Variants in ARID5B observed in about 807,000 individuals in gnomAD.
ARID5B encodes AT-rich interactive domain-containing protein 5B.
A neutral mutation model predicts 97.2 loss-of-function variants in ARID5B; 13 were observed. The ratio of observed to expected loss-of-function variants is 0.13; its 90% confidence interval spans 0.09 to 0.21. The LOEUF (loss-of-function observed/expected upper bound fraction) is 0.21, where lower values mean the gene tolerates loss of function less well. ARID5B is among the 10% of genes least tolerant of loss of function. The pLI is 1.00. For missense variants in ARID5B, 1,210 were observed against 1,465.3 expected (o/e 0.83, Z 2.84); for synonymous variants, 556 against 570.3 (o/e 0.97, Z 0.36).
intron 3 of ARID5B, among the ~76,000 whole-genome samples, chr10:61,968,431 A>G (rs1812994946): frequency 6.6e-6 from 1 of 151,472 alleles, no homozygotes; most frequent in Admixed American, 6.6e-5. Context: ...TCCAAACTTA[A>G]CTAAGTGTTT....
chr10:61,971,004 A>T (rs1455461618), intron 3 of ARID5B, among the ~76,000 whole-genome samples: 1 of 143,414 alleles, frequency 7.0e-6, no homozygotes, highest in Non-Finnish European at 1.6e-5. Context: ...TGTGTGTATA[A>T]AACAAAAGAA....
intron 3 of ARID5B, among the ~76,000 whole-genome samples, chr10:61,981,988 C>A (rs1838783426): frequency 6.6e-6 from 1 of 152,168 alleles, no homozygotes; most frequent in Non-Finnish European, 1.5e-5. Flanking sequence ...AGACAAATGG[C>A]ATTTTAAGCT....
chr10:61,989,374 T>A (rs898114149), intron 3 of ARID5B, among the ~76,000 whole-genome samples: 1 of 152,220 alleles, frequency 6.6e-6, no homozygotes, highest in Non-Finnish European at 1.5e-5. Flanking sequence ...GTGTTTCTAT[T>A]GAATAATGCT....
chr10:62,054,077 C>T (rs1032394083), intron 5 of ARID5B, among the ~76,000 whole-genome samples: 2 of 152,148 alleles, frequency 1.3e-5, no homozygotes, highest in African/African-American at 2.4e-5. Context: ...TCATTGAAAA[C>T]GTTAAATGTT....
chr10:61,918,059 G>A (rs1476750897), intron 2 of ARID5B, among the ~76,000 whole-genome samples: 4 of 152,168 alleles, frequency 2.6e-5, no homozygotes, highest in South Asian at 4.1e-4. Context: ...TACCAATACC[G>A]GATATGGTCT....
intron 6 of ARID5B, among the ~76,000 whole-genome samples, chr10:62,057,528 A>T (rs768358696): frequency 6.6e-6 from 1 of 152,146 alleles, no homozygotes; most frequent in Non-Finnish European, 1.5e-5. Flanking sequence ...GCAGTGAGAT[A>T]TTTATAGGCT....
At chr10:62,058,347 C>T (rs1344724937) in intron 6 of ARID5B, among the ~76,000 whole-genome samples, 4 of 152,078 alleles carry the variant, frequency 2.6e-5, no homozygotes, top group Non-Finnish European at 4.4e-5. Context: ...TGAGGCTTTG[C>T]GAACATGTTG....
chr10:61,954,691 T>A (rs1429919695), intron 3 of ARID5B, among the ~76,000 whole-genome samples: 1 of 152,168 alleles, frequency 6.6e-6, no homozygotes, highest in Non-Finnish European at 1.5e-5. Flanking sequence ...ACTGGAAATC[T>A]CTTTTGTCCT....
intron 3 of ARID5B, among the ~76,000 whole-genome samples, chr10:61,970,122 T>A (rs1387853346): frequency 2.0e-5 from 3 of 152,238 alleles, no homozygotes; most frequent in Non-Finnish European, 2.9e-5. Context: ...CTTGAAAACA[T>A]AACCTACAAT....
At chr10:62,002,519 C>T (rs540191594) in intron 4 of ARID5B, among the ~76,000 whole-genome samples, 8 of 152,202 alleles carry the variant, frequency 5.3e-5, no homozygotes, top group African/African-American at 1.9e-4. Flanking sequence ...AGTAAGTGGA[C>T]CAAAAAGCTT....
intron 4 of ARID5B, among the ~76,000 whole-genome samples, chr10:62,008,183 G>T (rs1839171782): frequency 6.6e-6 from 1 of 151,800 alleles, no homozygotes. Context: ...GCAGTACCCA[G>T]CACATAGTAG....
chr10:61,989,940 G>A (rs767605151), intron 3 of ARID5B, among the ~76,000 whole-genome samples: 6 of 152,208 alleles, frequency 3.9e-5, no homozygotes, highest in Non-Finnish European at 8.8e-5. Flanking sequence ...ACTAGGGATG[G>A]AGGATGGGTG....
At position 61,931,974 on chromosome 10, in the gene ARID5B, C is replaced by A. The variant is rs537249997; in HGVS notation, c.277-8209C>A. Reference sequence around the variant, plus strand: ...TGTAGAAAAATTACATCCATACTTACCATATGACTCAGCAATCTGTCTCCA... The same window carrying A: ...TGTAGAAAAATTACATCCATACTTAACATATGACTCAGCAATCTGTCTCCA... On this transcript the variant is annotated intron_variant, in intron 2 of 9. Coordinates refer to ENST00000279873, the MANE Select transcript of ARID5B (RefSeq NM_032199.3). Among the ~76,000 whole-genome samples the A allele has an allele frequency of 6.6e-5, 10 of 152,236 alleles. No homozygotes were observed. In the East Asian group the frequency reaches 1.9e-3, roughly 29 times the overall value.
chr10:62,001,869 G>A (rs1839084094), intron 4 of ARID5B, among the ~76,000 whole-genome samples: 1 of 151,906 alleles, frequency 6.6e-6, no homozygotes, highest in African/African-American at 2.4e-5. Flanking sequence ...CATATTTTTA[G>A]TATTCAAATA....
chr10:61,915,546 G>C (rs1564600219), intron 2 of ARID5B, among the ~76,000 whole-genome samples: 1 of 152,186 alleles, frequency 6.6e-6, no homozygotes, highest in Non-Finnish European at 1.5e-5. Flanking sequence ...GGCTGGGCTT[G>C]GCCTTGGTGA....
intron 3 of ARID5B, among the ~76,000 whole-genome samples, chr10:61,975,304 A>T (rs1327754731): frequency 6.6e-6 from 1 of 152,212 alleles, no homozygotes; most frequent in East Asian, 1.9e-4. Flanking sequence ...ATTATTATTA[A>T]GGAGGACAAT....
chr10:62,090,417 T>G (rs1342357843), intron 9 of ARID5B, among the ~76,000 whole-genome samples: 1 of 152,240 alleles, frequency 6.6e-6, no homozygotes, highest in Admixed American at 6.5e-5. Context: ...GTTTGTTGTT[T>G]GTCGTTAACA....
chr10:62,011,585 C>T (rs10995006), intron 4 of ARID5B, among the ~76,000 whole-genome samples: 3,606 of 152,258 alleles, frequency 0.024, 198 homozygotes, highest in Admixed American at 0.14. Context: ...CCCGCCACTC[C>T]CAACCCTGGT....
At chr10:61,905,934 T>A (rs1358091387) in intron 2 of ARID5B, among the ~76,000 whole-genome samples, 1 of 152,192 alleles carries the variant, frequency 6.6e-6, no homozygotes, top group Non-Finnish European at 1.5e-5. Context: ...CCTTCATATA[T>A]AATACTTCCA....
Sources: gnomAD v4.1 joint callset for allele counts (sites outside exome capture counted in the v4.1 genomes callset) on GRCh38, gnomAD v4.1.1 for gene constraint, MANE v1.5 for transcripts, NCBI Gene and HGNC (gene_info 2026-07-23, HGNC 2026-07-21) for gene names.